Variants in CWC27 observed in about 807,000 individuals in gnomAD.
CWC27 encodes spliceosome-associated protein CWC27 homolog.
In CWC27, 47 loss-of-function variants were observed where a neutral mutation model predicts 63.6. The observed-to-expected ratio is 0.74, with a 90% CI of 0.58 to 0.94. The LOEUF (loss-of-function observed/expected upper bound fraction) is 0.94. Ranked by LOEUF, CWC27 falls within the 40% of genes least tolerant of loss-of-function variation. CWC27 has a pLI of 0.00. For missense variants in CWC27, 495 were observed against 554.3 expected (o/e 0.89, Z 1.07); for synonymous variants, 175 against 179.8 (o/e 0.97, Z 0.22).
At chr5:65,011,370 G>A (rs531654836) in intron 13 of CWC27, among the ~76,000 whole-genome samples, 2 of 152,294 alleles carry the variant, frequency 1.3e-5, no homozygotes, top group African/African-American at 4.8e-5. Flanking sequence ...CTTAACCCTG[G>A]GGGAGAAACA....
In CWC27 at chr5:64,894,023, A is replaced by G. The variant is rs377648027; in HGVS notation, c.1042+8477A>G. On this transcript the variant is annotated intron_variant, in intron 11 of 13. Coordinates refer to ENST00000381070, the MANE Select transcript of CWC27 (RefSeq NM_005869.4). ...CCACTCACTGCAACTTCCTCCTCCCAGGTTCAAACGATTCTCCTACCTCAG... is the reference window on the plus strand; with the variant it reads ...CCACTCACTGCAACTTCCTCCTCCCGGGTTCAAACGATTCTCCTACCTCAG... 1.0e-3 allele frequency among the ~76,000 whole-genome samples: 151 copies of G among 150,488 alleles called. 1 individual carries two copies. Among genetic ancestry groups the G allele is most frequent in the African/African-American group, 3.5e-3 (145 of 40,878 alleles).
At position 64,885,463 on chromosome 5, in the gene CWC27, C is replaced by T; in HGVS notation, c.959C>T (p.Ala320Val). 1 of 1,607,346 alleles carries T rather than the reference C, an allele frequency of 6.2e-7. No homozygotes were observed. Among genetic ancestry groups the T allele is most frequent in the Non-Finnish European group, 8.5e-7 (1 of 1,176,996 alleles). Residue 320 changes from alanine (A) to valine (V), a missense_variant, in exon 11 of 14, where the codon GCA (alanine) becomes GTA (valine). Around this residue, in one of 3 missense-constraint regions of CWC27, gnomAD observed 463 missense variants for 498.1 expected, o/e 0.93. Transcript: ENST00000381070. Reference protein sequence around the residue: ...VSRSEELRKEARQLKRELLAA... With the variant: ...VSRSEELRKEVRQLKRELLAA... ...TATAGTGAAGAGCTCAGAAAAGAAG[C>T]AAGACAATTAAAACGGGAACTCTTA... is the stretch of plus-strand genomic sequence containing the variant.
At chr5:64,794,941 T>C (rs540593449) in intron 7 of CWC27, among the ~76,000 whole-genome samples, 1 of 152,290 alleles carries the variant, frequency 6.6e-6, no homozygotes, top group Non-Finnish European at 1.5e-5. Flanking sequence ...TAGCTAGATT[T>C]TTATTCAGTG....
chr5:64,858,226 G>A (rs192757020), intron 10 of CWC27, among the ~76,000 whole-genome samples: 1,779 of 147,706 alleles, frequency 0.012, 24 homozygotes, highest in South Asian at 0.031. Context: ...TTGTGGGGCC[G>A]AGGCGGGCGG....
intron 10 of CWC27, among the ~76,000 whole-genome samples, chr5:64,829,797 TC>T (rs1745464948): frequency 6.7e-6 from 1 of 149,134 alleles, no homozygotes; most frequent in Middle Eastern, 3.2e-3. Flanking sequence ...TCCCCTAGCC[TC>T]CCACCCCTCT....
At chr5:64,866,253 C>G (rs1398640734) in intron 10 of CWC27, among the ~76,000 whole-genome samples, 1 of 151,944 alleles carries the variant, frequency 6.6e-6, no homozygotes, top group East Asian at 1.9e-4. Flanking sequence ...GATTTTTCTC[C>G]CCAAATCATC....
chr5:64,773,598 G>A (rs930610766), intron 1 of CWC27, among the ~76,000 whole-genome samples: 1 of 152,142 alleles, frequency 6.6e-6, no homozygotes, highest in Non-Finnish European at 1.5e-5. Context: ...ACTTGAAAGA[G>A]CATTCTAAAA....
In CWC27 at chr5:64,996,542, TGTGCCCAAATTATACTGGGGAAAAGTCTA is replaced by T. The variant is rs552188247; in HGVS notation, c.1256+19334_1256+19362del. Among the ~76,000 whole-genome samples, 470 of 152,284 alleles carry T rather than the reference TGTGCCCAAATTATACTGGGGAAAAGTCTA, an allele frequency of 3.1e-3. 1 individual carries two copies. Among genetic ancestry groups the T allele is most frequent in the African/African-American group, 0.011 (447 of 41,560 alleles). ...AAACCTATAAGCTAGAAAGTGTTGT[TGTGCCCAAATTATACTGGGGAAAAGTCTA>T]GTGCCCAAATTATACTGGGGAAAAG... On this transcript the variant is annotated intron_variant, in intron 13 of 13. Coordinates refer to ENST00000381070, the MANE Select transcript of CWC27 (RefSeq NM_005869.4).
Position 64,788,936 on chromosome 5 carries a change from T to C in CWC27, c.600-15T>C. On this transcript the variant is annotated splice_polypyrimidine_tract_variant and intron_variant, in intron 6 of 13. Transcript: ENST00000381070. ...TTCTCTTTCTTTTTTTTTTTCTTTC[T>C]TTTTTTTGGACTAGAAATTTTAGTT... is the stretch of plus-strand genomic sequence containing the variant. The C allele has an allele frequency of 6.7e-7, 1 of 1,491,106 alleles. No individual in the cohort carries two copies. Among genetic ancestry groups the C allele is most frequent in the Non-Finnish European group, 9.1e-7 (1 of 1,095,360 alleles). The allele number at this position is 1,491,106 out of a possible 1,614,324, so 92.4% of individuals were successfully genotyped here.
At chr5:64,796,743 TCCTCCCTCCCTC>T (rs150451609) in intron 7 of CWC27, among the ~76,000 whole-genome samples, 6 of 119,706 alleles carry the variant, frequency 5.0e-5, no homozygotes, top group Admixed American at 4.6e-4. Flanking sequence ...TGTCCCTTCC[TCCTCCCTCCCTC>T]CCTCCCTCCC....
At position 65,018,340 on chromosome 5, in the gene CWC27, C is replaced by G; in HGVS notation, c.*19C>G. ...AAGATAAAATGAGAATAATGATAAC[C>G]AGAACTTGCTGGAAATGTGCCTACA... is the stretch of plus-strand genomic sequence containing the variant. On this transcript the variant is annotated 3_prime_UTR_variant, in exon 14 of 14. Transcript: ENST00000381070. The G allele has an allele frequency of 6.4e-7, 1 of 1,571,718 alleles. No individual in the cohort carries two copies. The highest frequency in any genetic ancestry group is 8.6e-7 in the Non-Finnish European group (1 of 1,163,658).
chr5:64,828,762 T>C (rs749082471), intron 10 of CWC27, among the ~76,000 whole-genome samples: 3 of 152,144 alleles, frequency 2.0e-5, no homozygotes, highest in Non-Finnish European at 4.4e-5. Flanking sequence ...TGAATGTAAA[T>C]CTGGCTTAGT....
chr5:64,928,510 C>G (rs544196538), intron 11 of CWC27, among the ~76,000 whole-genome samples: 8 of 152,042 alleles, frequency 5.3e-5, no homozygotes, highest in South Asian at 2.1e-4. Flanking sequence ...TGAGAAAATG[C>G]CTTTTCAGGA....
At chr5:65,000,806 T>A (rs934660047) in intron 13 of CWC27, among the ~76,000 whole-genome samples, 2 of 152,114 alleles carry the variant, frequency 1.3e-5, no homozygotes, top group Non-Finnish European at 2.9e-5. Context: ...TATGGCTATT[T>A]GGTGTCTTTT....
chr5:64,976,920 T>G (rs1300043854), intron 12 of CWC27, among the ~76,000 whole-genome samples: 2 of 152,192 alleles, frequency 1.3e-5, no homozygotes, highest in Non-Finnish European at 2.9e-5. Flanking sequence ...CACCTATCTC[T>G]GAGGGGAAAT....
intron 10 of CWC27, among the ~76,000 whole-genome samples, chr5:64,878,884 ATTAC>A (rs1343216502): frequency 6.6e-6 from 1 of 151,946 alleles, no homozygotes; most frequent in African/African-American, 2.4e-5. Flanking sequence ...GAGAGACTTA[ATTAC>A]TTAAGAAAGA....
chr5:64,854,783 C>G (rs2112301832), intron 10 of CWC27, among the ~76,000 whole-genome samples: 1 of 152,244 alleles, frequency 6.6e-6, no homozygotes, highest in East Asian at 1.9e-4. Flanking sequence ...CATCACTGTC[C>G]TAGCTTAGGG....
chr5:64,826,741 G>A (rs572113851), intron 10 of CWC27, among the ~76,000 whole-genome samples: 1 of 147,944 alleles, frequency 6.8e-6, no homozygotes, highest in South Asian at 2.1e-4. Context: ...TAATACAACT[G>A]TTAGTTTCAT....
chr5:64,914,207 C>A (rs1561154653), intron 11 of CWC27, among the ~76,000 whole-genome samples: 1 of 152,068 alleles, frequency 6.6e-6, no homozygotes, highest in Admixed American at 6.5e-5. Flanking sequence ...AGCAATAAAA[C>A]TTCTAGAAAA....
Sources: gnomAD v4.1 joint callset for allele counts (sites outside exome capture counted in the v4.1 genomes callset) on GRCh38, gnomAD v4.1.1 for gene constraint, gnomAD v4.1.1 regional missense constraint, MANE v1.5 for transcripts, NCBI Gene and HGNC (gene_info 2026-07-23, HGNC 2026-07-21) for gene names.